Variants in ST6GAL2 observed in about 807,000 individuals in gnomAD.
The protein encoded by ST6GAL2 is ST6 beta-galactoside alpha-2,6-sialyltransferase 2.
Under a neutral mutation model 37.5 loss-of-function variants are expected in ST6GAL2, and 24 were observed. That is an observed-to-expected ratio of 0.64 (90% CI 0.46 to 0.90). The LOEUF is 0.90. ST6GAL2 is among the 40% of genes least tolerant of loss of function. The probability of loss-of-function intolerance (pLI) is 0.00; values close to 1 mark genes in which losing one functional copy is unlikely to be tolerated. For missense variants in ST6GAL2, 715 were observed against 712.7 expected (o/e 1.00, Z -0.04); for synonymous variants, 306 against 295.1 (o/e 1.04, Z -0.38).
At chr2:106,863,150 C>T (rs866516376) in intron 1 of ST6GAL2, among the ~76,000 whole-genome samples, 6 of 152,028 alleles carry the variant, frequency 3.9e-5, no homozygotes, top group Non-Finnish European at 5.9e-5. Context: ...AGAAACGAGG[C>T]GAGTTACCTA....
intron 1 of ST6GAL2, among the ~76,000 whole-genome samples, chr2:106,854,392 G>T (rs2104559093): frequency 6.6e-6 from 1 of 152,220 alleles, no homozygotes; most frequent in South Asian, 2.1e-4. Flanking sequence ...ACTGTGCCTG[G>T]CCCAAAAAGA....
chr2:106,818,509 T>G (rs1675887900), intron 5 of ST6GAL2, among the ~76,000 whole-genome samples: 2 of 152,334 alleles, frequency 1.3e-5, no homozygotes, highest in South Asian at 4.1e-4. Context: ...ACAGTGTTAC[T>G]GGGCTTGGGG....
chr2:106,858,173 C>A (rs1573289867), intron 1 of ST6GAL2, among the ~76,000 whole-genome samples: 1 of 152,180 alleles, frequency 6.6e-6, no homozygotes, highest in African/African-American at 2.4e-5. Context: ...CTACTTTACT[C>A]ATTTTACTTT....
chr2:106,817,299 TG>T (rs1286805693), intron 5 of ST6GAL2, among the ~76,000 whole-genome samples: 1 of 152,192 alleles, frequency 6.6e-6, no homozygotes, highest in African/African-American at 2.4e-5. Flanking sequence ...GCTGCACCTC[TG>T]GAAGAGACTC....
intron 5 of ST6GAL2, among the ~76,000 whole-genome samples, chr2:106,809,535 T>C (rs1051846681): frequency 3.3e-5 from 5 of 152,164 alleles, no homozygotes; most frequent in Non-Finnish European, 5.9e-5. Flanking sequence ...TAGGGGAGTA[T>C]GTTAGCTGTG....
In ST6GAL2 at chr2:106,862,947, C is replaced by A. The variant is rs552762106; in HGVS notation, c.-57-18913G>T. 1.2e-3 allele frequency among the ~76,000 whole-genome samples: 178 copies of A among 150,796 alleles called. 2 individuals carry two copies. The highest frequency in any genetic ancestry group is 4.4e-4 in the Non-Finnish European group (30 of 67,802). ...TTCCCAACCTAAAAATAAATGATTA[C>A]AATAATAGAATCATGAGTGCATTGC... On this transcript the variant is annotated intron_variant, in intron 1 of 5. Transcript: ENST00000409382.
In ST6GAL2 at chr2:106,843,344, C is replaced by T. The variant is rs1386522472; in HGVS notation, c.634G>A (p.Val212Ile). The change falls in exon 2 of 6, where the codon GTC becomes ATC. Residue 212 changes from valine to isoleucine, a missense_variant. Coordinates refer to ENST00000409382, the MANE Select transcript of ST6GAL2 (RefSeq NM_001142351.2). Reference sequence around the variant, plus strand: ...CGCGGGTTCAGCATTTTGGAAGAGACGTTCCCCTTCCAGAGCCGGTACAGG... The same window carrying T: ...CGCGGGTTCAGCATTTTGGAAGAGATGTTCCCCTTCCAGAGCCGGTACAGG... ...AFLYRLWKGN[V>I]SSKMLNPRLQ... 1 of 1,614,088 alleles carries T rather than the reference C, an allele frequency of 6.2e-7. No homozygotes were observed. The highest frequency in any genetic ancestry group is 8.5e-7 in the Non-Finnish European group (1 of 1,180,008).
chr2:106,866,960 G>C (rs1306047147), intron 1 of ST6GAL2, among the ~76,000 whole-genome samples: 1 of 152,148 alleles, frequency 6.6e-6, no homozygotes, highest in East Asian at 1.9e-4. Context: ...GGCATTGCAC[G>C]AGTTAACAAT....
chr2:106,806,975 C>T (rs1174618107), intron 5 of ST6GAL2, 26 bp from the exon 6 acceptor site: 1 of 1,587,404 alleles, frequency 6.3e-7, no homozygotes, highest in Non-Finnish European at 8.6e-7. Context: ...AAAATTAGAA[C>T]CTAATGAACA....
At chr2:106,836,790 A>AT (rs1482096285) in intron 2 of ST6GAL2, among the ~76,000 whole-genome samples, 1 of 148,986 alleles carries the variant, frequency 6.7e-6, no homozygotes, top group Non-Finnish European at 1.5e-5. Flanking sequence ...AAAAAAAAAA[A>AT]AAAAAAATTA....
chr2:106,870,134 C>T (rs1383632791), intron 1 of ST6GAL2, among the ~76,000 whole-genome samples: 1 of 152,128 alleles, frequency 6.6e-6, no homozygotes, highest in Non-Finnish European at 1.5e-5. Context: ...GCTTTTTGCA[C>T]AGGAATCATC....
At chr2:106,835,889 C>G (rs563369727) in intron 2 of ST6GAL2, among the ~76,000 whole-genome samples, 1 of 152,144 alleles carries the variant, frequency 6.6e-6, no homozygotes, top group Non-Finnish European at 1.5e-5. Context: ...TTTGTTCATA[C>G]TTTATTGAGG....
intron 2 of ST6GAL2, among the ~76,000 whole-genome samples, chr2:106,835,959 T>C (rs1217451948): frequency 6.6e-6 from 1 of 152,234 alleles, no homozygotes; most frequent in African/African-American, 2.4e-5. Context: ...CAAATAATAT[T>C]TGAGGTAGAA....
chr2:106,855,826 C>T (rs1302681182), intron 1 of ST6GAL2, among the ~76,000 whole-genome samples: 1 of 152,192 alleles, frequency 6.6e-6, no homozygotes, highest in Non-Finnish European at 1.5e-5. Context: ...CCTTAAGTGA[C>T]AATTCTTGCT....
intron 5 of ST6GAL2, among the ~76,000 whole-genome samples, chr2:106,810,436 C>A (rs1675561269): frequency 6.6e-6 from 1 of 152,160 alleles, no homozygotes; most frequent in Non-Finnish European, 1.5e-5. Context: ...TCTTCCTGAT[C>A]TTTGCCTATC....
intron 1 of ST6GAL2, among the ~76,000 whole-genome samples, chr2:106,878,590 CT>C (rs1210327014): frequency 6.6e-6 from 1 of 152,072 alleles, no homozygotes; most frequent in Non-Finnish European, 1.5e-5. Flanking sequence ...AGTAAGACCC[CT>C]ATCTCTCAAA....
intron 5 of ST6GAL2, chr2:106,812,982 G>T: frequency 8.8e-7 from 1 of 1,141,018 alleles, no homozygotes; most frequent in Non-Finnish European, 1.1e-6. Context: ...TTCAACATGA[G>T]GCTGGACTTT....
intron 5 of ST6GAL2, among the ~76,000 whole-genome samples, chr2:106,808,490 CT>C (rs1675498003): frequency 6.6e-6 from 1 of 152,202 alleles, no homozygotes; most frequent in African/African-American, 2.4e-5. Context: ...GTCAATTCCT[CT>C]TGTTTTTCTC....
At chr2:106,852,286 G>GC (rs1334573215) in intron 1 of ST6GAL2, among the ~76,000 whole-genome samples, 3 of 152,212 alleles carry the variant, frequency 2.0e-5, no homozygotes, top group Admixed American at 6.5e-5. Flanking sequence ...CAGAAGGGCA[G>GC]CCCCCCTGCA....
Sources: gnomAD v4.1 joint callset for allele counts (sites outside exome capture counted in the v4.1 genomes callset) on GRCh38, gnomAD v4.1.1 for gene constraint, MANE v1.5 for transcripts, NCBI Gene and HGNC (gene_info 2026-07-23, HGNC 2026-07-21) for gene names.